The following MAPK10 variants were observed in gnomAD, a reference collection of about 807,000 sequenced individuals.
MAPK10 encodes the protein JNK3 alpha protein kinase.
Under a neutral mutation model 59.3 loss-of-function variants are expected in MAPK10, and 25 were observed. The observed-to-expected ratio is 0.42, with a 90% CI of 0.31 to 0.59. MAPK10 has a LOEUF of 0.59. Among genes scored for constraint, MAPK10 ranks in the 20% least tolerant of loss-of-function variants. The probability of loss-of-function intolerance (pLI) is 0.15; values close to 1 mark genes in which losing one functional copy is unlikely to be tolerated. For missense variants in MAPK10, 351 were observed against 568.9 expected (o/e 0.62, Z 3.90); for synonymous variants, 190 against 200.5 (o/e 0.95, Z 0.44).
At chr4:86,069,642 CATT>C (rs1244923460) in intron 9 of MAPK10, among the ~76,000 whole-genome samples, 2 of 152,028 alleles carry the variant, frequency 1.3e-5, no homozygotes, top group Admixed American at 1.3e-4. Context: ...AAGTGCTTGT[CATT>C]ATAAATTATG....
chr4:86,555,118 C>A (rs1760155224), intron 1 of MAPK10, among the ~76,000 whole-genome samples: 1 of 152,192 alleles, frequency 6.6e-6, no homozygotes, highest in Non-Finnish European at 1.5e-5. Context: ...TTTGTTTATT[C>A]ATGTGTTTGC....
At chr4:86,079,062 A>G (rs2050115221) in intron 9 of MAPK10, among the ~76,000 whole-genome samples, 1 of 152,178 alleles carries the variant, frequency 6.6e-6, no homozygotes, top group Non-Finnish European at 1.5e-5. Context: ...TTTTCCTCTC[A>G]AAAGTCCTTG....
chr4:86,371,612 C>T (rs1738766115), intron 1 of MAPK10, among the ~76,000 whole-genome samples: 1 of 152,080 alleles, frequency 6.6e-6, no homozygotes, highest in Non-Finnish European at 1.5e-5. Context: ...ATAGGAACAG[C>T]TCTGGTCTGC....
chr4:86,060,363 A>G (rs1034765685), intron 11 of MAPK10, among the ~76,000 whole-genome samples: 22 of 152,144 alleles, frequency 1.4e-4, no homozygotes, highest in African/African-American at 4.8e-4. Context: ...TGCACTCAGG[A>G]GCTTTCTTGA....
At chr4:86,186,262 G>A (rs1299572686) in intron 3 of MAPK10, among the ~76,000 whole-genome samples, 1 of 152,032 alleles carries the variant, frequency 6.6e-6, no homozygotes, top group Non-Finnish European at 1.5e-5. Context: ...GCTAATAAGG[G>A]ATAGAAATGG....
chr4:86,218,339 C>T (rs2148630393), intron 2 of MAPK10, among the ~76,000 whole-genome samples: 1 of 152,192 alleles, frequency 6.6e-6, no homozygotes, highest in African/African-American at 2.4e-5. Context: ...CGCCACCACG[C>T]CCGCCTAATT....
intron 1 of MAPK10, among the ~76,000 whole-genome samples, chr4:86,524,014 A>G: frequency 6.6e-6 from 1 of 152,090 alleles, no homozygotes; most frequent in East Asian, 1.9e-4. Flanking sequence ...GTGAGTTCCC[A>G]TTCCATTAGT....
At chr4:86,117,395 A>C (rs1436002036) in intron 4 of MAPK10, among the ~76,000 whole-genome samples, 1 of 152,212 alleles carries the variant, frequency 6.6e-6, no homozygotes, top group African/African-American at 2.4e-5. Flanking sequence ...AATGGTTCAC[A>C]GGGTATCTTT....
At chr4:86,476,264 A>G (rs1278981322) in intron 1 of MAPK10, among the ~76,000 whole-genome samples, 1 of 151,840 alleles carries the variant, frequency 6.6e-6, no homozygotes, top group Admixed American at 6.6e-5. Context: ...ATTCTTCCTC[A>G]GCTTCTGCTC....
intron 3 of MAPK10, among the ~76,000 whole-genome samples, chr4:86,170,651 A>T (rs970105376): frequency 1.3e-5 from 2 of 152,050 alleles, no homozygotes; most frequent in Non-Finnish European, 2.9e-5. Context: ...CACTGTCAAC[A>T]TTAGACAGAT....
At chr4:86,112,979 CTT>C (rs532811754) in intron 4 of MAPK10, among the ~76,000 whole-genome samples, 2 of 146,006 alleles carry the variant, frequency 1.4e-5, no homozygotes. Context: ...CCTTCTTTGT[CTT>C]TTTTTTTTTA....
chr4:86,492,746 C>A (rs1027656821), intron 1 of MAPK10, among the ~76,000 whole-genome samples: 5 of 152,088 alleles, frequency 3.3e-5, no homozygotes, highest in African/African-American at 4.8e-5. Context: ...CCAAGGTGAC[C>A]TTGATTTTTA....
intron 4 of MAPK10, chr4:86,125,906 A>G (rs2060000642): frequency 6.6e-6 from 1 of 152,160 alleles, no homozygotes; most frequent in African/African-American, 2.4e-5. Context: ...AGACATTAAG[A>G]TGGCTCCTTT....
At chr4:86,461,232 C>T (rs937552609) in intron 1 of MAPK10, among the ~76,000 whole-genome samples, 6 of 151,884 alleles carry the variant, frequency 4.0e-5, no homozygotes, top group Middle Eastern at 6.8e-3. Context: ...GTGCCCAAGG[C>T]GGTTGGTTTA....
chr4:86,151,732 G>A (rs896517971), intron 4 of MAPK10, among the ~76,000 whole-genome samples: 7 of 152,138 alleles, frequency 4.6e-5, no homozygotes, highest in Non-Finnish European at 1.0e-4. Context: ...GAAAAGGGAT[G>A]AGAGAAGCAG....
At chr4:86,026,081 A>T (rs1229957131) in intron 13 of MAPK10, among the ~76,000 whole-genome samples, 1 of 152,200 alleles carries the variant, frequency 6.6e-6, no homozygotes, top group African/African-American at 2.4e-5. Context: ...CACTGGGGAG[A>T]GAATGGTTGC....
chr4:86,122,100 A>G (rs1404367605), intron 4 of MAPK10, among the ~76,000 whole-genome samples: 1 of 152,092 alleles, frequency 6.6e-6, no homozygotes. Flanking sequence ...GGCTTTAAAC[A>G]TTTTCTAAGA....
At chr4:86,107,686 A>G (rs143985145) in intron 4 of MAPK10, 1 of 995,276 alleles carries the variant, frequency 1.0e-6, no homozygotes, top group East Asian at 1.1e-4. Flanking sequence ...AAGAAGTAAG[A>G]CAGGCATTCA....
At chr4:86,308,449 T>C (rs1457793895) in intron 2 of MAPK10, among the ~76,000 whole-genome samples, 1 of 152,146 alleles carries the variant, frequency 6.6e-6, no homozygotes, top group Non-Finnish European at 1.5e-5. Context: ...ATTGCTGTCT[T>C]GAAGATTAGA....
Sources: gnomAD v4.1 joint callset for allele counts (sites outside exome capture counted in the v4.1 genomes callset) on GRCh38, gnomAD v4.1.1 for gene constraint, MANE v1.5 for transcripts, NCBI Gene and HGNC (gene_info 2026-07-23, HGNC 2026-07-21) for gene names.